LAMA1: variants seen among roughly 807,000 people sequenced by gnomAD.
LAMA1 encodes laminin subunit alpha-1.
A neutral mutation model predicts 348.7 loss-of-function variants in LAMA1; 219 were observed. The ratio of observed to expected loss-of-function variants is 0.63; its 90% CI spans 0.56 to 0.70. The LOEUF is 0.70. LAMA1 is among the 30% of genes least tolerant of loss of function. The pLI is 0.00. For missense variants in LAMA1, 3,744 were observed against 3,888.0 expected (o/e 0.96, Z 0.99); for synonymous variants, 1,487 against 1,491.0 (o/e 1.00, Z 0.06).
At chr18:7,114,509 AT>A (rs2058348326) in intron 1 of LAMA1, among the ~76,000 whole-genome samples, 2 of 152,262 alleles carry the variant, frequency 1.3e-5, no homozygotes, top group African/African-American at 2.4e-5. Flanking sequence ...AGTGATGAAC[AT>A]AAATAAACTT....
At position 7,017,278 on chromosome 18, in the gene LAMA1, C is replaced by T. The variant is rs200562970; in HGVS notation, c.2808G>A (p.Leu936=). Residue 936 remains leucine (L), a splice_region_variant and synonymous_variant, in exon 20 of 63, where the codon TTG becomes TTA. Coordinates refer to ENST00000389658, the MANE Select transcript of LAMA1 (RefSeq NM_005559.4). The stretch of plus-strand genomic sequence containing the variant: ...TGTCAATTAGTCACATGCATCTTAC[C>T]AAGCACTGGTCACACTGCTGTCCAG... ...NVTGQQCDQC[L]HGYYGLDSGH... is the part of the protein sequence containing the mutation. 3 of 1,610,830 alleles carry T rather than the reference C, an allele frequency of 1.9e-6. No homozygotes were observed. The highest frequency in any genetic ancestry group is 1.7e-5 in the Admixed American group (1 of 59,980).
rs2057848579 is a variant in LAMA1 at position 7,009,378 on chromosome 18, G to C, written c.3874-12C>G. 1 of 1,613,818 alleles carries C rather than the reference G, an allele frequency of 6.2e-7. No individual in the cohort carries two copies. Among genetic ancestry groups the C allele is most frequent in the Non-Finnish European group, 8.5e-7 (1 of 1,179,862 alleles). On this transcript the variant is annotated splice_polypyrimidine_tract_variant and intron_variant, in intron 26 of 62. Transcript: ENST00000389658. ...TATTTCCAAAAATTCTGTAGAATGAGAAACACATTCAATTAAGCTCAGAGG... is the reference window on the plus strand; with the variant it reads ...TATTTCCAAAAATTCTGTAGAATGACAAACACATTCAATTAAGCTCAGAGG...
At chr18:7,098,095 CCAGCCT>C (rs950520922) in intron 1 of LAMA1, among the ~76,000 whole-genome samples, 35 of 150,432 alleles carry the variant, frequency 2.3e-4, no homozygotes, top group African/African-American at 8.2e-4. Context: ...AAGTAATCCG[CCAGCCT>C]CAGCCTCCCG....
At chr18:7,013,701 T>G in intron 23 of LAMA1, 114 bp downstream of exon 23, 1 of 912,748 alleles carries the variant, frequency 1.1e-6, no homozygotes, top group South Asian at 1.4e-5. Context: ...GAAGGGAGTG[T>G]GAACTCACTA....
At chr18:6,945,836 C>T (rs1311748904) in intron 61 of LAMA1, among the ~76,000 whole-genome samples, 6 of 152,144 alleles carry the variant, frequency 3.9e-5, no homozygotes, top group African/African-American at 1.2e-4. Context: ...CTGTAAGAGG[C>T]TGCCCTGAAG....
At chr18:7,009,415 C>T in intron 26 of LAMA1, 49 bp from the exon 27 acceptor site, 2 of 1,599,428 alleles carry the variant, frequency 1.3e-6, no homozygotes, top group Non-Finnish European at 1.7e-6. Context: ...CAAATTCTGA[C>T]AGGCATAAAA....
At chr18:7,117,171 C>T (rs2058360479) in intron 1 of LAMA1, among the ~76,000 whole-genome samples, 2 of 152,210 alleles carry the variant, frequency 1.3e-5, no homozygotes, top group Admixed American at 6.5e-5. Flanking sequence ...CGCCCTTTCC[C>T]GGCCGCCGCG....
intron 57 of LAMA1, chr18:6,955,065 G>A (rs1458479837): frequency 2.2e-6 from 1 of 450,510 alleles, no homozygotes; most frequent in Non-Finnish European, 4.1e-6. Context: ...AATAGATCCA[G>A]GAGACTTAAT....
At chr18:7,059,826 CA>C (rs2058095930) in intron 3 of LAMA1, among the ~76,000 whole-genome samples, 1 of 152,154 alleles carries the variant, frequency 6.6e-6, no homozygotes, top group South Asian at 2.1e-4. Flanking sequence ...AAACTTTTCC[CA>C]GACAAAAGAG....
chr18:6,962,814 C>G (rs2057614542), intron 51 of LAMA1, among the ~76,000 whole-genome samples: 1 of 152,162 alleles, frequency 6.6e-6, no homozygotes, highest in Non-Finnish European at 1.5e-5. Context: ...GAACTTTGTC[C>G]TAAAGGAAGT....
intron 7 of LAMA1, among the ~76,000 whole-genome samples, chr18:7,044,355 T>C (rs1262639278): frequency 6.6e-6 from 1 of 152,108 alleles, no homozygotes; most frequent in Non-Finnish European, 1.5e-5. Context: ...TGCTTTTAAC[T>C]ACATACTTTT....
intron 3 of LAMA1, among the ~76,000 whole-genome samples, chr18:7,071,841 A>C (rs1409321851): frequency 2.0e-5 from 3 of 152,214 alleles, no homozygotes; most frequent in Non-Finnish European, 4.4e-5. Context: ...TCATCTGTCA[A>C]AAGGGGATAA....
chr18:7,023,106 G>C (rs984913956), intron 19 of LAMA1, 58 bp downstream of exon 19: 1 of 1,551,372 alleles, frequency 6.4e-7, no homozygotes, highest in Non-Finnish European at 8.8e-7. Flanking sequence ...GTGACTATAC[G>C]GTTGAAGACT....
chr18:7,115,736 C>A (rs1275730228), intron 1 of LAMA1, among the ~76,000 whole-genome samples: 1 of 146,346 alleles, frequency 6.8e-6, no homozygotes, highest in East Asian at 2.1e-4. Context: ...TTTGGGAGGC[C>A]GAGGTGGGCT....
In LAMA1 at chr18:6,959,389, G is replaced by A; in HGVS notation, c.7730C>T (p.Thr2577Ile). 2 of 1,614,146 alleles carry A rather than the reference G, an allele frequency of 1.2e-6. No homozygotes were observed. Among genetic ancestry groups the A allele is most frequent in the Non-Finnish European group, 1.7e-6 (2 of 1,180,036 alleles). Residue 2577 changes from threonine to isoleucine, a missense_variant, in exon 54 of 63, where the codon ACC becomes ATC. Thr to Ile is a moderately conservative substitution (Grantham distance 89). Around this residue, in one of 3 missense-constraint regions of LAMA1, gnomAD observed 1,983 missense variants for 1,934.3 expected, o/e 1.03. Coordinates refer to ENST00000389658, the MANE Select transcript of LAMA1 (RefSeq NM_005559.4). ...RKALLHAPTG[T>I]CSDGQAHSIS... ...GGAATGCGCTTGTCCATCACTGCAG[G>A]TACCCGTGGGAGCGTGCAGGAGAGC...
intron 3 of LAMA1, chr18:7,079,719 C>T: frequency 2.0e-6 from 1 of 507,516 alleles, no homozygotes; most frequent in Non-Finnish European, 3.6e-6. Context: ...TGAGTGTGCC[C>T]TGTTGACACA....
chr18:7,045,015 A>G (rs1418432834), intron 6 of LAMA1, among the ~76,000 whole-genome samples, 176 bp from the exon 7 acceptor site: 2 of 152,224 alleles, frequency 1.3e-5, no homozygotes, highest in East Asian at 1.9e-4. Flanking sequence ...TATACAAATA[A>G]CCTGGTTACA....
At chr18:6,989,940 A>G (rs139996723) in intron 36 of LAMA1, among the ~76,000 whole-genome samples, 1,773 of 152,322 alleles carry the variant, frequency 0.012, 38 homozygotes, top group African/African-American at 0.037. Context: ...CCAGGAGTTC[A>G]TGGGACACTA....
rs1028219049 is a variant in LAMA1 at position 6,943,491 on chromosome 18, T to C, written c.8845-89A>G. The C allele has an allele frequency of 7.3e-6, 8 of 1,095,182 alleles. No individual in the cohort carries two copies. The African/African-American group carries it at 9.2e-5, about 13-fold the overall frequency. The allele number at this position is 1,095,182 out of a possible 1,614,324, so 67.8% of individuals were successfully genotyped here. On this transcript the variant is annotated intron_variant, in intron 61 of 62. Coordinates refer to ENST00000389658, the MANE Select transcript of LAMA1 (RefSeq NM_005559.4). ...CTTGGAGTAGATAAAATTGCAGCATTATGTTTAAAAGGAGAGCTAACTAGG... is the reference window on the plus strand; with the variant it reads ...CTTGGAGTAGATAAAATTGCAGCATCATGTTTAAAAGGAGAGCTAACTAGG...
Sources: allele counts gnomAD v4.1 joint callset (sites outside exome capture counted in the v4.1 genomes callset), GRCh38; gene constraint gnomAD v4.1.1; regional missense constraint gnomAD v4.1.1; transcripts MANE v1.5; gene names NCBI Gene and HGNC (gene_info 2026-07-23, HGNC 2026-07-21).